The following ZYG11B variants were observed in gnomAD, a reference collection of about 807,000 sequenced individuals.
ZYG11B encodes zyg-11 family member B, cell cycle regulator.
In ZYG11B, 36 loss-of-function variants were observed where a neutral mutation model predicts 82.4. The ratio of observed to expected loss-of-function variants is 0.44; its 90% CI spans 0.33 to 0.58. The LOEUF is 0.58. ZYG11B is among the 20% of genes least tolerant of loss of function. ZYG11B has a pLI of 0.02. For synonymous variants in ZYG11B, 303 were observed against 312.8 expected (o/e 0.97, Z 0.33); for missense variants, 552 against 895.6 (o/e 0.62, Z 4.90).
chr1:52,771,038 C>A lies in ZYG11B; in HGVS notation c.215C>A (p.Thr72Asn). The A allele has an allele frequency of 6.2e-7, 1 of 1,612,524 alleles. No individual in the cohort carries two copies. The highest frequency in any genetic ancestry group is 8.5e-7 in the Non-Finnish European group (1 of 1,178,848). ...MAFHGLLNDG[T>N]VGIFRGNQMR... ...TCCACAGGTCTATTGAATGATGGAA[C>A]TGTGGGTATTTTTAGGGGCAACCAG... Residue 72 changes from threonine (T) to asparagine (N), a missense_variant, in exon 3 of 14, where the codon ACT becomes AAT. Thr to Asn is a moderately conservative substitution (Grantham distance 65, BLOSUM62 0). Transcript: ENST00000294353. This position sits in a 1 kb window ranked among gnomAD's most constrained non-coding sequence, Gnocchi z 5.4.
Position 52,802,113 on chromosome 1 carries a change from A to T in ZYG11B, c.1669A>T (p.Ile557Phe), listed in dbSNP as rs1297431552. 1 of 1,611,354 alleles carries T rather than the reference A, an allele frequency of 6.2e-7. No individual in the cohort carries two copies. Among genetic ancestry groups the T allele is most frequent in the Non-Finnish European group, 8.5e-7 (1 of 1,179,292 alleles). The change falls in exon 10 of 14, where the codon ATT (isoleucine) becomes TTT (phenylalanine). Residue 557 changes from isoleucine (I) to phenylalanine (F), a missense_variant. By Grantham distance (21) the Ile-to-Phe change is conservative (BLOSUM62 0). Coordinates refer to ENST00000294353, the MANE Select transcript of ZYG11B (RefSeq NM_024646.3). ...ACAGTCTTTCCCAACTGAGTCATCC[A>T]TTCAGCAGAAAGTTCTAGGACTTTT... ...VLESFPTESS[I>F]QQKVLGLLNN... is the part of the protein sequence containing the mutation.
intron 1 of ZYG11B, among the ~76,000 whole-genome samples, chr1:52,736,219 C>G (rs1455778219): frequency 6.6e-6 from 1 of 152,072 alleles, no homozygotes; most frequent in Admixed American, 6.6e-5. Context: ...ATCCTGTGTA[C>G]TTGGTGATGT....
At chr1:52,743,402 TAAA>T (rs71044414) in intron 1 of ZYG11B, among the ~76,000 whole-genome samples, 2 of 69,114 alleles carry the variant, frequency 2.9e-5, no homozygotes, top group African/African-American at 5.5e-5. Context: ...CAATAAATAC[TAAA>T]AAAAAAAAAA....
chr1:52,771,360 G>A lies in ZYG11B; in HGVS notation c.537G>A (p.Leu179=). The change falls in exon 3 of 14, where the codon CTG becomes CTA. Residue 179 remains leucine (L), a synonymous_variant. Transcript: ENST00000294353. This position sits in a 1 kb window ranked among gnomAD's most constrained non-coding sequence, Gnocchi z 5.4. ...ITNVLFYNED[L]AEVASLPRLE... is the part of the protein sequence containing the mutation. ...ATGTTCTCTTTTACAATGAAGACCT[G>A]GCTGAAGTTGCCTCATTGCCAAGAT... The A allele has an allele frequency of 6.2e-7, 1 of 1,614,162 alleles. No homozygotes were observed. The highest frequency in any genetic ancestry group is 8.5e-7 in the Non-Finnish European group (1 of 1,180,042).
intron 1 of ZYG11B, among the ~76,000 whole-genome samples, chr1:52,729,625 A>G (rs913172556): frequency 9.8e-5 from 15 of 152,324 alleles, no homozygotes; most frequent in Admixed American, 5.9e-4. Context: ...GATGTTTAAG[A>G]TGTCAGGAGT....
intron 3 of ZYG11B, among the ~76,000 whole-genome samples, chr1:52,775,869 G>A (rs11581937): frequency 0.02 from 3,039 of 151,886 alleles, 41 homozygotes; most frequent in Non-Finnish European, 0.032. Flanking sequence ...AATTTGAGCA[G>A]CCAGATGTGA....
At chr1:52,802,413 TC>T (rs1159914680) in intron 10 of ZYG11B, among the ~76,000 whole-genome samples, 2 of 144,764 alleles carry the variant, frequency 1.4e-5, no homozygotes, top group Non-Finnish European at 3.0e-5. Flanking sequence ...AGTGGTGTGA[TC>T]ACAGCTCACT....
intron 2 of ZYG11B, among the ~76,000 whole-genome samples, chr1:52,761,958 A>G (rs137894359): frequency 3.3e-5 from 5 of 152,180 alleles, no homozygotes; most frequent in African/African-American, 7.2e-5. Flanking sequence ...GGCCATTTGT[A>G]TGTCTTCTTT....
intron 4 of ZYG11B, among the ~76,000 whole-genome samples, chr1:52,780,212 TGTA>T (rs1489372588): frequency 1.3e-5 from 2 of 152,220 alleles, no homozygotes; most frequent in East Asian, 3.8e-4. Context: ...ATAAATGTCT[TGTA>T]GTACATATTT....
intron 1 of ZYG11B, among the ~76,000 whole-genome samples, chr1:52,734,571 A>G (rs151167650): frequency 0.012 from 1,869 of 151,386 alleles, 43 homozygotes; most frequent in African/African-American, 0.044. Flanking sequence ...AACCACTTGA[A>G]CCTGGGAGGC....
At chr1:52,798,622 A>G (rs1244707271) in intron 8 of ZYG11B, among the ~76,000 whole-genome samples, 1 of 152,096 alleles carries the variant, frequency 6.6e-6, no homozygotes, top group African/African-American at 2.4e-5. Flanking sequence ...AAAAATACAA[A>G]ACACCTATCT....
intron 8 of ZYG11B, among the ~76,000 whole-genome samples, chr1:52,797,073 A>G (rs1463410197): frequency 1.8e-5 from 1 of 54,332 alleles, no homozygotes; most frequent in Non-Finnish European, 2.8e-5. Context: ...TTTATATATT[A>G]TATATTGTAT....
intron 6 of ZYG11B, 45 bp from the exon 7 acceptor site, chr1:52,796,247 C>T (rs1291682313): frequency 6.9e-7 from 1 of 1,457,844 alleles, no homozygotes; most frequent in African/African-American, 1.4e-5. Context: ...GAAATTGTGC[C>T]TGGGCCTCCA....
chr1:52,806,869 A>G (rs1645145377), intron 10 of ZYG11B, among the ~76,000 whole-genome samples: 1 of 149,038 alleles, frequency 6.7e-6, no homozygotes, highest in Non-Finnish European at 1.5e-5. Context: ...GTGGAGTACA[A>G]TGTAATTTTT....
intron 1 of ZYG11B, among the ~76,000 whole-genome samples, chr1:52,751,901 A>C (rs1402746975): frequency 6.6e-6 from 1 of 151,882 alleles, no homozygotes; most frequent in Non-Finnish European, 1.5e-5. Flanking sequence ...ATATAGTAGG[A>C]GAAAACAAAC....
rs1439431213 is a variant in ZYG11B at position 52,817,426 on chromosome 1, C to CT, written c.2044+798dup. On this transcript the variant is annotated intron_variant, in intron 13 of 13. Transcript: ENST00000294353. The stretch of plus-strand genomic sequence containing the variant: ...ATTTATTTAGAGACAAGGTCTGTCT[C>CT]TATCACTGGAGCTGGAGTGCAGTGG... Among the ~76,000 whole-genome samples the CT allele has an allele frequency of 7.9e-5, 12 of 151,986 alleles. 1 individual carries two copies. The highest frequency in any genetic ancestry group is 2.9e-4 in the African/African-American group (12 of 41,376).
intron 5 of ZYG11B, among the ~76,000 whole-genome samples, chr1:52,789,029 A>T (rs1190666073): frequency 6.6e-6 from 1 of 152,156 alleles, no homozygotes; most frequent in Non-Finnish European, 1.5e-5. Context: ...CTGTCCTAGC[A>T]CCTTGACCAT....
chr1:52,805,386 T>G, intron 10 of ZYG11B: 1 of 444,272 alleles, frequency 2.3e-6, no homozygotes, highest in Non-Finnish European at 4.5e-6. Flanking sequence ...GCCTTCATTA[T>G]ATAAGGTAGA....
intron 1 of ZYG11B, among the ~76,000 whole-genome samples, chr1:52,753,095 C>T (rs1644539946): frequency 6.6e-6 from 1 of 152,186 alleles, no homozygotes; most frequent in Non-Finnish European, 1.5e-5. Flanking sequence ...ATCCACCCAC[C>T]TCGGCCTCCC....
Sources: gnomAD v4.1 joint callset for allele counts (sites outside exome capture counted in the v4.1 genomes callset) on GRCh38, gnomAD v4.1.1 for gene constraint, Gnocchi (gnomAD v3.1) non-coding constraint, MANE v1.5 for transcripts, NCBI Gene and HGNC (gene_info 2026-07-23, HGNC 2026-07-21) for gene names.